SLC13A3: variants seen among roughly 807,000 people sequenced by gnomAD.
The protein encoded by SLC13A3 is solute carrier family 13 member 3.
In SLC13A3, 40 loss-of-function variants were observed where a neutral mutation model predicts 59.0. The observed-to-expected ratio is 0.68, with a 90% CI of 0.53 to 0.88. The LOEUF (loss-of-function observed/expected upper bound fraction) is 0.88. Among genes scored for constraint, SLC13A3 ranks in the 40% least tolerant of loss-of-function variants. SLC13A3 has a pLI of 0.00. For missense variants in SLC13A3, 699 were observed against 783.2 expected, an observed-to-expected ratio of 0.89 and a Z score of 1.28; for synonymous variants, 317 against 330.3, an observed-to-expected ratio of 0.96 and a Z score of 0.44.
chr20:46,660,208 AG>A (rs1300103986), intron 1 of SLC13A3, among the ~76,000 whole-genome samples: 1 of 152,228 alleles, frequency 6.6e-6, no homozygotes, highest in Non-Finnish European at 1.5e-5. Flanking sequence ...TTCTTCCTGC[AG>A]ATCCAGGATC....
intron 10 of SLC13A3, among the ~76,000 whole-genome samples, chr20:46,569,589 A>AATCT (rs1356973802): frequency 6.6e-6 from 1 of 152,212 alleles, no homozygotes; most frequent in East Asian, 1.9e-4. Context: ...AAAAGGAGTG[A>AATCT]ATCTATAAAG....
intron 1 of SLC13A3, among the ~76,000 whole-genome samples, chr20:46,618,101 T>C (rs995456969): frequency 1.3e-5 from 2 of 152,206 alleles, no homozygotes; most frequent in East Asian, 1.9e-4. Flanking sequence ...TGTTTCACTT[T>C]CATCTTAGGT....
intron 7 of SLC13A3, among the ~76,000 whole-genome samples, 197 bp from the exon 8 acceptor site, chr20:46,588,360 G>A (rs1181852068): frequency 1.3e-5 from 2 of 152,046 alleles, no homozygotes; most frequent in Non-Finnish European, 2.9e-5. Flanking sequence ...TCCTGTCCTA[G>A]GACTTCCACG....
At chr20:46,598,026 T>C (rs1300438135) in intron 4 of SLC13A3, among the ~76,000 whole-genome samples, 1 of 152,220 alleles carries the variant, frequency 6.6e-6, no homozygotes, top group African/African-American at 2.4e-5. Context: ...TTGTCAATTA[T>C]ACTTCAATGA....
At chr20:46,623,389 TTTTCC>T (rs1323900304) in intron 1 of SLC13A3, among the ~76,000 whole-genome samples, 1 of 152,188 alleles carries the variant, frequency 6.6e-6, no homozygotes, top group African/African-American at 2.4e-5. Flanking sequence ...CAATCTTTTC[TTTTCC>T]TTTCCTCTCT....
chr20:46,646,975 C>T (rs111835428), intron 1 of SLC13A3, among the ~76,000 whole-genome samples: 5 of 152,328 alleles, frequency 3.3e-5, no homozygotes, highest in African/African-American at 9.6e-5. Flanking sequence ...TAGGCAAATG[C>T]AAGAAAGGGG....
chr20:46,621,183 C>A (rs1241485312), intron 1 of SLC13A3, among the ~76,000 whole-genome samples: 1 of 152,218 alleles, frequency 6.6e-6, no homozygotes, highest in African/African-American at 2.4e-5. Context: ...CAGAAAAATG[C>A]TAGGGAAAGC....
upstream of SLC13A3, among the ~76,000 whole-genome samples, chr20:46,674,591 G>GCA (rs1568966968): frequency 5.6e-5 from 4 of 70,810 alleles, no homozygotes; most frequent in African/African-American, 1.8e-4. Flanking sequence ...TGGGGAGTGC[G>GCA]CGCGCGCGCG....
At chr20:46,608,979 G>A (rs961435165) in intron 3 of SLC13A3, 2 of 1,550,630 alleles carry the variant, frequency 1.3e-6, no homozygotes, top group Non-Finnish European at 1.7e-6. Flanking sequence ...ACCAGACTCA[G>A]TTATCTGACC....
At chr20:46,626,223 C>A (rs374521146) in intron 1 of SLC13A3, among the ~76,000 whole-genome samples, 3 of 148,542 alleles carry the variant, frequency 2.0e-5, no homozygotes, top group African/African-American at 7.5e-5. Flanking sequence ...CCTCTCTCTC[C>A]CTCCCCCTCC....
rs2062460962 is a variant in SLC13A3 at position 46,608,676 on chromosome 20, G to A, written c.541+1770C>T. 1.3e-5 allele frequency: 7 copies of A among 540,508 alleles called. No individual in the cohort carries two copies. In the South Asian group the frequency reaches 2.2e-4, roughly 17 times the overall value. 33.5% of individuals were successfully genotyped at this position (540,508 alleles called of 1,614,324 possible). A position where few individuals can be genotyped will look rare whatever the true frequency, so the allele number is the denominator to read the frequency against. On this transcript the variant is annotated intron_variant, in intron 3 of 12. Transcript: ENST00000279027. Reference sequence around the variant, plus strand: ...CGGGGAAATACTCATGTGACTGTCAGTGAGATTAACTTAGATGGTACACGG... The same window carrying A: ...CGGGGAAATACTCATGTGACTGTCAATGAGATTAACTTAGATGGTACACGG...
chr20:46,598,868 A>ACTGGCTTC (rs1250238517), intron 4 of SLC13A3, among the ~76,000 whole-genome samples: 1 of 150,800 alleles, frequency 6.6e-6, no homozygotes, highest in Non-Finnish European at 1.5e-5. Flanking sequence ...CTCCAGCCAC[A>ACTGGCTTC]CTGGCTTCCT....
At chr20:46,651,169 G>A (rs991034197) in intron 1 of SLC13A3, 142 bp downstream of exon 1, 5 of 1,316,164 alleles carry the variant, frequency 3.8e-6, no homozygotes, top group East Asian at 3.1e-5. Context: ...AGCGGTCCGC[G>A]GCAGGTGCAA....
chr20:46,587,003 C>A (rs1307286534), intron 8 of SLC13A3, among the ~76,000 whole-genome samples: 1 of 152,190 alleles, frequency 6.6e-6, no homozygotes, highest in Admixed American at 6.5e-5. Flanking sequence ...TCGTGTATTA[C>A]AAGACGTTGT....
At chr20:46,652,547 ATTTTTT>A (rs11471373), upstream of SLC13A3, among the ~76,000 whole-genome samples, 214 of 117,804 alleles carry the variant, frequency 1.8e-3, 3 homozygotes, top group African/African-American at 6.1e-3. Context: ...TATCTGGCTA[ATTTTTT>A]TTTTTTTTTT....
chr20:46,638,424 G>A (rs190574494), intron 1 of SLC13A3, among the ~76,000 whole-genome samples: 5 of 152,334 alleles, frequency 3.3e-5, no homozygotes, highest in African/African-American at 7.2e-5. Context: ...GGAGAGAAGC[G>A]GGGCCGTGGG....
Position 46,558,389 on chromosome 20 carries a change from CTT to C in SLC13A3, c.*1631_*1632del, listed in dbSNP as rs993923255. On this transcript the variant is annotated 3_prime_UTR_variant, in exon 13 of 13. Transcript: ENST00000279027. ...CAGGAATTTGGGGCTTTGAAGCTCT[CTT>C]ATGTTCAGAAAGGCAAATCATCTCC... 1.3e-5 allele frequency: 2 copies of C among 152,192 alleles called. No homozygotes were observed. Among genetic ancestry groups the C allele is most frequent in the Non-Finnish European group, 2.9e-5 (2 of 68,030 alleles). 9.4% of individuals were successfully genotyped at this position (152,192 alleles called of 1,614,324 possible). A position where few individuals can be genotyped will look rare whatever the true frequency, so the allele number is the denominator to read the frequency against.
chr20:46,683,930 CTA>C (rs2063166279), intron 1 of SLC13A3, among the ~76,000 whole-genome samples: 1 of 152,170 alleles, frequency 6.6e-6, no homozygotes, highest in Non-Finnish European at 1.5e-5. Flanking sequence ...CTCTTGCCCT[CTA>C]TGGTTTTCTG....
chr20:46,563,240 G>A (rs2061946883), intron 12 of SLC13A3, among the ~76,000 whole-genome samples, 174 bp downstream of exon 12: 1 of 152,218 alleles, frequency 6.6e-6, no homozygotes, highest in African/African-American at 2.4e-5. Context: ...TTGTCTAAGT[G>A]CAGGAATCAT....
Sources: allele counts gnomAD v4.1 joint callset (sites outside exome capture counted in the v4.1 genomes callset), GRCh38; gene constraint gnomAD v4.1.1; transcripts MANE v1.5; gene names NCBI Gene and HGNC (gene_info 2026-07-23, HGNC 2026-07-21).